The following TIAM1 variants were observed in gnomAD, a reference collection of about 807,000 sequenced individuals.
TIAM1 encodes TIAM Rac1 associated GEF 1.
In TIAM1, 65 loss-of-function variants were observed where a neutral mutation model predicts 163.5. The observed-to-expected ratio is 0.40, with a 90% confidence interval of 0.33 to 0.49. The LOEUF (loss-of-function observed/expected upper bound fraction) is 0.49, where lower values mean the gene tolerates loss of function less well. Among genes scored for constraint, TIAM1 ranks in the 20% least tolerant of loss-of-function variants. The probability of loss-of-function intolerance (pLI) is 0.77; values close to 1 mark genes in which losing one functional copy is unlikely to be tolerated. For missense variants in TIAM1, 1,789 were observed against 2,044.7 expected (o/e 0.87, Z 2.41); for synonymous variants, 833 against 810.1 (o/e 1.03, Z -0.48).
At chr21:31,458,527 T>C (rs2045199405) in intron 2 of TIAM1, among the ~76,000 whole-genome samples, 1 of 152,212 alleles carries the variant, frequency 6.6e-6, no homozygotes, top group South Asian at 2.1e-4. Context: ...TCCCTCAATG[T>C]ATTCTTCTTG....
rs2086274907 is a variant in TIAM1 at position 31,202,921 on chromosome 21, T to G, written c.2480A>C (p.Asp827Ala). 10 of 1,614,030 alleles carry G rather than the reference T, an allele frequency of 6.2e-6. 1 individual carries two copies. The Middle Eastern group carries it at 1.6e-3, about 266-fold the overall frequency. Residue 827 changes from aspartate (D) to alanine (A), a missense_variant, in exon 12 of 28, where the codon GAC becomes GCC. Asp to Ala is a moderately radical substitution (Grantham distance 126). Coordinates refer to ENST00000541036, the MANE Select transcript of TIAM1 (RefSeq NM_001353694.2). Reference protein sequence around the residue: ...MQLYVPQPEEDIYELLYKEIE... With the variant: ...MQLYVPQPEEAIYELLYKEIE... Reference sequence around the variant, plus strand: ...TCATAACATTACCAGCTCATAGATGTCTTCCTCGGGCTGTGGAACATAGAG... The same window carrying G: ...TCATAACATTACCAGCTCATAGATGGCTTCCTCGGGCTGTGGAACATAGAG...
intron 1 of TIAM1, among the ~76,000 whole-genome samples, chr21:31,545,608 A>T (rs2048461855): frequency 6.6e-6 from 1 of 152,114 alleles, no homozygotes; most frequent in Admixed American, 6.6e-5. Context: ...GAGAAAGGGG[A>T]AAAAAGGGGA....
intron 1 of TIAM1, among the ~76,000 whole-genome samples, chr21:31,535,563 G>A (rs2048106935): frequency 6.6e-6 from 1 of 151,984 alleles, no homozygotes; most frequent in Non-Finnish European, 1.5e-5. Flanking sequence ...AGTATGGCCT[G>A]CCCATCTAAA....
intron 6 of TIAM1, among the ~76,000 whole-genome samples, chr21:31,244,877 G>A (rs2146716578): frequency 6.6e-6 from 1 of 152,288 alleles, no homozygotes; most frequent in South Asian, 2.1e-4. Context: ...AAAAGTTCTT[G>A]CAGAGTATAT....
intron 1 of TIAM1, among the ~76,000 whole-genome samples, chr21:31,511,148 T>C (rs1385307321): frequency 2.0e-5 from 3 of 152,208 alleles, no homozygotes; most frequent in African/African-American, 7.2e-5. Context: ...TCTGGGCTTG[T>C]GCCCTGCAGA....
intron 2 of TIAM1, among the ~76,000 whole-genome samples, chr21:31,419,191 G>A (rs2043479697): frequency 6.6e-6 from 1 of 152,148 alleles, no homozygotes. Context: ...CACAAGGATG[G>A]TACTCAGCAA....
At chr21:31,487,597 C>A (rs546696634) in intron 1 of TIAM1, among the ~76,000 whole-genome samples, 1 of 142,178 alleles carries the variant, frequency 7.0e-6, no homozygotes, top group Non-Finnish European at 1.5e-5. Context: ...GTCGCCCAGG[C>A]CGGACTGCGG....
In TIAM1 at chr21:31,118,915, TAA is replaced by T. The variant is rs1247117726; in HGVS notation, c.*1451_*1452del. 4.3e-6 allele frequency: 1 copy of T among 232,964 alleles called. No homozygotes were observed. Among genetic ancestry groups the T allele is most frequent in the African/African-American group, 2.3e-5 (1 of 42,930 alleles). The allele number at this position is 232,964 out of a possible 1,614,324, so 14.4% of individuals were successfully genotyped here. A position where few individuals can be genotyped will look rare whatever the true frequency, so the allele number is the denominator to read the frequency against. ...CTGAACTCTCTATTGTCTGGAAATA[TAA>T]AGTCATAACTGATTTTTATAAAATA... is the stretch of plus-strand genomic sequence containing the variant. On this transcript the variant is annotated 3_prime_UTR_variant, in exon 28 of 28. Transcript: ENST00000541036.
At chr21:31,405,704 T>C (rs934057821) in intron 2 of TIAM1, among the ~76,000 whole-genome samples, 8 of 152,022 alleles carry the variant, frequency 5.3e-5, no homozygotes, top group Non-Finnish European at 8.8e-5. Flanking sequence ...CCATTCACTA[T>C]CACAGGAACA....
At chr21:31,306,192 G>A (rs1412712666) in intron 2 of TIAM1, among the ~76,000 whole-genome samples, 1 of 152,052 alleles carries the variant, frequency 6.6e-6, no homozygotes, top group Non-Finnish European at 1.5e-5. Flanking sequence ...GCTGAAGGAG[G>A]AGGATTGCTC....
intron 16 of TIAM1, among the ~76,000 whole-genome samples, chr21:31,163,795 CTGATTTTGCAGA>C (rs999399081): frequency 6.6e-6 from 1 of 152,072 alleles, no homozygotes; most frequent in Non-Finnish European, 1.5e-5. Context: ...AAGAATCACC[CTGATTTTGCAGA>C]TGAGAAAACA....
intron 6 of TIAM1, among the ~76,000 whole-genome samples, chr21:31,235,079 G>T (rs1255466922): frequency 6.6e-6 from 1 of 152,128 alleles, no homozygotes; most frequent in African/African-American, 2.4e-5. Context: ...GAAGCAGCTG[G>T]TAATTCTACA....
intron 2 of TIAM1, among the ~76,000 whole-genome samples, chr21:31,381,092 G>C (rs2076771545): frequency 6.6e-6 from 1 of 151,638 alleles, no homozygotes; most frequent in African/African-American, 2.4e-5. Context: ...AACCTTGCTA[G>C]AAGACACAGA....
chr21:31,129,153 G>A (rs1161105846), intron 25 of TIAM1, among the ~76,000 whole-genome samples: 1 of 152,190 alleles, frequency 6.6e-6, no homozygotes, highest in African/African-American at 2.4e-5. Flanking sequence ...TGACTCTCCA[G>A]AGATGCTCAT....
chr21:31,154,742 A>G (rs1364753628), intron 16 of TIAM1, among the ~76,000 whole-genome samples: 1 of 152,210 alleles, frequency 6.6e-6, no homozygotes, highest in Non-Finnish European at 1.5e-5. Flanking sequence ...GCAGTACGTA[A>G]GTGGCAGAGC....
At chr21:31,286,980 C>G (rs2073834242) in intron 2 of TIAM1, among the ~76,000 whole-genome samples, 1 of 152,128 alleles carries the variant, frequency 6.6e-6, no homozygotes, top group Admixed American at 6.5e-5. Flanking sequence ...ATTTGCAAAT[C>G]ATTTCAAGTT....
intron 1 of TIAM1, among the ~76,000 whole-genome samples, chr21:31,486,876 G>A (rs1569374795): frequency 6.6e-6 from 1 of 152,242 alleles, no homozygotes; most frequent in Non-Finnish European, 1.5e-5. Context: ...CCTTTCTGCT[G>A]TGTGGCCGCT....
At chr21:31,354,314 G>C (rs1220202290) in intron 2 of TIAM1, among the ~76,000 whole-genome samples, 1 of 152,170 alleles carries the variant, frequency 6.6e-6, no homozygotes, top group Non-Finnish European at 1.5e-5. Flanking sequence ...GCTCCTGGAA[G>C]TTAATTGTCA....
chr21:31,121,214 G>T (rs1357101850), intron 27 of TIAM1, among the ~76,000 whole-genome samples: 2 of 152,118 alleles, frequency 1.3e-5, no homozygotes, highest in African/African-American at 4.8e-5. Flanking sequence ...ACTGATTTGG[G>T]GATCAGTTAG....
Sources: allele counts gnomAD v4.1 joint callset (sites outside exome capture counted in the v4.1 genomes callset), GRCh38; gene constraint gnomAD v4.1.1; transcripts MANE v1.5; gene names NCBI Gene and HGNC (gene_info 2026-07-23, HGNC 2026-07-21).